The following PCDHA7 variants were observed in gnomAD, a reference collection of about 807,000 sequenced individuals.
The protein encoded by PCDHA7 is protocadherin alpha 7, also known as protocadherin alpha-7.
A neutral mutation model predicts 57.2 loss-of-function variants in PCDHA7; 37 were observed. The ratio of observed to expected loss-of-function variants is 0.65; its 90% CI spans 0.50 to 0.85. PCDHA7 has a LOEUF of 0.85. PCDHA7 is among the 40% of genes least tolerant of loss of function. The pLI is 0.00. For synonymous variants in PCDHA7, 553 were observed against 558.8 expected, an observed-to-expected ratio of 0.99 and a Z score of 0.15; for missense variants, 1,188 against 1,241.8, an observed-to-expected ratio of 0.96 and a Z score of 0.65.
intron 1 of PCDHA7, chr5:140,842,931 C>A: frequency 1.3e-6 from 2 of 1,594,502 alleles, no homozygotes; most frequent in Non-Finnish European, 1.7e-6. Flanking sequence ...CAGGTGAGCG[C>A]GCGCGACGCG....
At chr5:141,007,498 G>T (rs936217793) in intron 3 of PCDHA7, among the ~76,000 whole-genome samples, 2 of 151,942 alleles carry the variant, frequency 1.3e-5, no homozygotes, top group Admixed American at 1.3e-4. Context: ...GACCTAGGAG[G>T]CAGAGACTGC....
intron 3 of PCDHA7, among the ~76,000 whole-genome samples, chr5:140,990,800 A>C (rs1474894854): frequency 3.9e-5 from 6 of 152,216 alleles, no homozygotes; most frequent in Non-Finnish European, 2.9e-5. Context: ...CATGGAATAC[A>C]GAAGAAGCTC....
intron 1 of PCDHA7, among the ~76,000 whole-genome samples, chr5:140,893,580 G>C (rs555518122): frequency 1.5e-4 from 23 of 152,268 alleles, no homozygotes; most frequent in East Asian, 1.2e-3. Flanking sequence ...GTTTTTGCTT[G>C]TTTGGGAAAT....
At chr5:140,848,091 A>C (rs1781318033) in intron 1 of PCDHA7, 1 of 168,880 alleles carries the variant, frequency 5.9e-6, no homozygotes, top group South Asian at 1.5e-4. Context: ...TTAAGTGGAG[A>C]GTTTTCTCAG....
At chr5:140,868,907 AC>A in intron 1 of PCDHA7, 2 of 869,128 alleles carry the variant, frequency 2.3e-6, no homozygotes, top group Non-Finnish European at 3.4e-6. Flanking sequence ...GTCGCTCTTT[AC>A]TTGGTGGAAA....
chr5:140,887,565 T>C (rs1214384060), intron 1 of PCDHA7, among the ~76,000 whole-genome samples: 2 of 152,180 alleles, frequency 1.3e-5, no homozygotes, highest in Admixed American at 1.3e-4. Context: ...TTAAAACTTT[T>C]CTTTTTATCC....
intron 1 of PCDHA7, chr5:140,876,970 G>T (rs1554169165): frequency 6.2e-7 from 1 of 1,612,850 alleles, no homozygotes; most frequent in East Asian, 2.2e-5. Flanking sequence ...GCGGCGGGTG[G>T]GCGAGCACGC....
intron 1 of PCDHA7, chr5:140,850,636 C>G (rs782210334): frequency 1.9e-6 from 3 of 1,598,538 alleles, no homozygotes; most frequent in Non-Finnish European, 2.6e-6. Context: ...TTGGTTCTCA[C>G]GCTGCTGCTG....
At chr5:140,842,039 C>A (rs2150327781) in intron 1 of PCDHA7, 4 of 1,613,698 alleles carry the variant, frequency 2.5e-6, no homozygotes, top group Admixed American at 3.3e-5. Flanking sequence ...TGATAATGCT[C>A]CCACTTTCGA....
chr5:140,966,803 C>G, intron 1 of PCDHA7: 1 of 1,542,484 alleles, frequency 6.5e-7, no homozygotes, highest in Non-Finnish European at 8.7e-7. Context: ...GGCGACAGAG[C>G]ATCCACGGCT....
rs782453395 is a variant in PCDHA7 at position 140,875,890 on chromosome 5, G to A, written c.2355+39152G>A. 2.4e-5 allele frequency: 38 copies of A among 1,614,180 alleles called. No homozygotes were observed. The South Asian group carries it at 4.1e-4, about 17-fold the overall frequency. On this transcript the variant is annotated intron_variant, in intron 1 of 3. Coordinates refer to ENST00000525929, the MANE Select transcript of PCDHA7 (RefSeq NM_018910.3). Reference sequence around the variant, plus strand: ...GGTGTTCAGAGAAAGGGAACAAAAGGTACCTGTTTCTGAATCTGCGCCTCT... The same window carrying A: ...GGTGTTCAGAGAAAGGGAACAAAAGATACCTGTTTCTGAATCTGCGCCTCT...
chr5:140,920,853 A>G (rs375783359), intron 1 of PCDHA7, among the ~76,000 whole-genome samples: 2 of 152,062 alleles, frequency 1.3e-5, no homozygotes, highest in Non-Finnish European at 2.9e-5. Context: ...AAAAAAAAAA[A>G]AAAAACAAAC....
At chr5:140,862,992 C>A (rs781974665) in intron 1 of PCDHA7, 3 of 548,132 alleles carry the variant, frequency 5.5e-6, no homozygotes, top group Admixed American at 1.9e-5. Flanking sequence ...AAGGTGCGCA[C>A]GGTGGACTCC....
chr5:140,972,241 GC>G (rs1162351861), intron 1 of PCDHA7, among the ~76,000 whole-genome samples: 1 of 151,838 alleles, frequency 6.6e-6, no homozygotes, highest in Non-Finnish European at 1.5e-5. Flanking sequence ...CTGGGCTCAA[GC>G]AATCCTCACA....
intron 1 of PCDHA7, chr5:140,968,151 T>C: frequency 6.2e-7 from 1 of 1,614,134 alleles, no homozygotes; most frequent in Non-Finnish European, 8.5e-7. Flanking sequence ...ATCTCTGACA[T>C]CAATGACAAT....
intron 1 of PCDHA7, chr5:140,969,349 G>A (rs782345683): frequency 3.1e-5 from 50 of 1,612,958 alleles, no homozygotes; most frequent in Non-Finnish European, 4.2e-5. Context: ...AGTGGTCAGG[G>A]GGTCTTCTAC....
intron 1 of PCDHA7, among the ~76,000 whole-genome samples, chr5:140,873,882 A>G (rs1311106784): frequency 6.6e-6 from 1 of 152,152 alleles, no homozygotes; most frequent in Non-Finnish European, 1.5e-5. Context: ...GCTGGTCTTG[A>G]ACTCCTGACC....
intron 1 of PCDHA7, among the ~76,000 whole-genome samples, chr5:140,947,317 G>A (rs1456422381): frequency 2.0e-5 from 3 of 151,480 alleles, no homozygotes; most frequent in Non-Finnish European, 4.4e-5. Flanking sequence ...TAAAAAGTCG[G>A]TTGACCATAA....
intron 1 of PCDHA7, chr5:140,849,719 G>T (rs1386986772): frequency 6.3e-7 from 1 of 1,598,444 alleles, no homozygotes; most frequent in African/African-American, 1.3e-5. Context: ...ACTCGTTGGT[G>T]CTGGACAGAG....
Sources: allele counts gnomAD v4.1 joint callset (sites outside exome capture counted in the v4.1 genomes callset), GRCh38; gene constraint gnomAD v4.1.1; transcripts MANE v1.5; gene names NCBI Gene and HGNC (gene_info 2026-07-23, HGNC 2026-07-21).